NRG1: variants seen among roughly 807,000 people sequenced by gnomAD.
The protein encoded by NRG1 is neuregulin 1.
NRG1 carries 18 observed loss-of-function variants against 63.8 expected under a neutral mutation model. The observed-to-expected ratio is 0.28, with a 90% CI of 0.19 to 0.42. NRG1 has a LOEUF of 0.42. NRG1 is among the 10% of genes least tolerant of loss of function. The pLI is 1.00. For synonymous variants in NRG1, 302 were observed against 301.3 expected (o/e 1.00, Z -0.02); for missense variants, 762 against 814.7 (o/e 0.94, Z 0.79).
intron 1 of NRG1, among the ~76,000 whole-genome samples, chr8:32,321,139 C>T (rs1251298554): frequency 2.0e-5 from 3 of 152,054 alleles, no homozygotes; most frequent in Non-Finnish European, 2.9e-5. Flanking sequence ...TTACAACCCC[C>T]GTGAGATATA....
intron 5 of NRG1, among the ~76,000 whole-genome samples, chr8:32,628,927 T>C (rs1259782073): frequency 6.6e-6 from 1 of 152,022 alleles, no homozygotes; most frequent in Non-Finnish European, 1.5e-5. Context: ...AGACACAGGG[T>C]TCCACCATGT....
chr8:32,755,031 A>G (rs1236164916), intron 8 of NRG1, among the ~76,000 whole-genome samples: 6 of 152,158 alleles, frequency 3.9e-5, no homozygotes, highest in African/African-American at 1.4e-4. Context: ...AGTGATTATT[A>G]TTATTATTTT....
intron 1 of NRG1, among the ~76,000 whole-genome samples, chr8:32,382,571 G>C (rs1340869223): frequency 6.6e-6 from 1 of 152,142 alleles, no homozygotes; most frequent in Non-Finnish European, 1.5e-5. Context: ...AAATCCACTT[G>C]GGTAAGTGTG....
intron 1 of NRG1, among the ~76,000 whole-genome samples, chr8:32,333,816 G>A (rs756123634): frequency 2.2e-4 from 34 of 152,036 alleles, no homozygotes; most frequent in Non-Finnish European, 4.7e-4. Context: ...CCCTGTGTAC[G>A]AAATGTATGT....
intron 1 of NRG1, among the ~76,000 whole-genome samples, chr8:32,178,911 G>GA (rs1242804783): frequency 2.0e-5 from 3 of 151,906 alleles, no homozygotes; most frequent in Non-Finnish European, 4.4e-5. Context: ...CACCGTTGTA[G>GA]AAAATGATAG....
At chr8:32,144,227 T>C (rs1420067032) in intron 1 of NRG1, among the ~76,000 whole-genome samples, 6 of 152,106 alleles carry the variant, frequency 3.9e-5, no homozygotes, top group Non-Finnish European at 7.4e-5. Flanking sequence ...AGGACAGTAA[T>C]TCTGAATGAC....
chr8:32,388,306 C>A (rs1366633779), intron 1 of NRG1, among the ~76,000 whole-genome samples: 1 of 152,144 alleles, frequency 6.6e-6, no homozygotes, highest in Non-Finnish European at 1.5e-5. Flanking sequence ...AAGATCTGAT[C>A]TAGTAATTTT....
chr8:31,863,686 G>A (rs918773016), intron 1 of NRG1, among the ~76,000 whole-genome samples: 15 of 152,160 alleles, frequency 9.9e-5, no homozygotes, highest in East Asian at 9.6e-4. Flanking sequence ...CCCACTTACC[G>A]TTCTCAGAAA....
chr8:32,608,107 G>GTTTTTT (rs1224928528), intron 3 of NRG1, among the ~76,000 whole-genome samples: 34 of 104,772 alleles, frequency 3.2e-4, no homozygotes, highest in Non-Finnish European at 4.7e-4. Flanking sequence ...TTTTTTTTTT[G>GTTTTTT]TTTTTTTTTT....
chr8:32,600,325 G>GACAC (rs5890665), intron 2 of NRG1, among the ~76,000 whole-genome samples: 5,379 of 149,540 alleles, frequency 0.036, 221 homozygotes, highest in African/African-American at 0.11. Flanking sequence ...AGCAGTGTTG[G>GACAC]ACACACACAC....
chr8:31,869,528 T>C (rs1465627972), intron 1 of NRG1, among the ~76,000 whole-genome samples: 2 of 152,150 alleles, frequency 1.3e-5, no homozygotes, highest in African/African-American at 4.8e-5. Context: ...CTATAAACAA[T>C]CTTTGGTCAA....
chr8:32,283,111 T>C (rs1853076105), intron 1 of NRG1, among the ~76,000 whole-genome samples: 1 of 152,222 alleles, frequency 6.6e-6, no homozygotes, highest in Non-Finnish European at 1.5e-5. Flanking sequence ...CAAATTGTTA[T>C]TCCAATTTCT....
intron 1 of NRG1, among the ~76,000 whole-genome samples, chr8:31,947,966 A>AC (rs1382780071): frequency 2.0e-5 from 3 of 150,136 alleles, no homozygotes; most frequent in African/African-American, 4.9e-5. Flanking sequence ...AAAAAAAAAA[A>AC]AAAAAACTAC....
At chr8:31,806,384 C>T (rs977479161) in intron 1 of NRG1, among the ~76,000 whole-genome samples, 2 of 152,058 alleles carry the variant, frequency 1.3e-5, no homozygotes, top group Non-Finnish European at 2.9e-5. Flanking sequence ...AATATTCTTA[C>T]CTCTAGCTTC....
intron 1 of NRG1, among the ~76,000 whole-genome samples, chr8:31,935,433 T>C (rs887818392): frequency 6.6e-6 from 1 of 152,014 alleles, no homozygotes; most frequent in Admixed American, 6.6e-5. Flanking sequence ...TAATATTTTA[T>C]TTTTTGTAGA....
intron 1 of NRG1, among the ~76,000 whole-genome samples, chr8:31,955,664 C>T (rs1804238468): frequency 6.6e-6 from 1 of 152,112 alleles, no homozygotes; most frequent in Non-Finnish European, 1.5e-5. Flanking sequence ...ATGACTTTCC[C>T]ATTGTTTGCT....
intron 1 of NRG1, among the ~76,000 whole-genome samples, chr8:32,469,600 A>G (rs1823514155): frequency 6.6e-6 from 1 of 152,216 alleles, no homozygotes; most frequent in Admixed American, 6.5e-5. Context: ...TATGTAAAAT[A>G]GAGACAATCA....
intron 1 of NRG1, chr8:32,171,286 T>C (rs1176423405): frequency 6.6e-6 from 1 of 152,234 alleles, no homozygotes; most frequent in African/African-American, 2.4e-5. Context: ...TGCAGGTTTG[T>C]TACATTGGTA....
At chr8:32,366,677 G>GTATGTATATA (rs1554519435) in intron 1 of NRG1, among the ~76,000 whole-genome samples, 3 of 87,520 alleles carry the variant, frequency 3.4e-5, no homozygotes, top group African/African-American at 1.4e-4. Flanking sequence ...GTGTGTGTGT[G>GTATGTATATA]TATATATATA....
Sources: gnomAD v4.1 joint callset for allele counts (sites outside exome capture counted in the v4.1 genomes callset) on GRCh38, gnomAD v4.1.1 for gene constraint, MANE v1.5 for transcripts, NCBI Gene and HGNC (gene_info 2026-07-23, HGNC 2026-07-21) for gene names.